RAB41: variants seen among roughly 807,000 people sequenced by gnomAD.
RAB41 encodes RAB41, member RAS oncogene family.
In RAB41, 15 loss-of-function variants were observed where a neutral mutation model predicts 19.0. The ratio of observed to expected loss-of-function variants is 0.79; its 90% CI spans 0.53 to 1.21. The LOEUF (loss-of-function observed/expected upper bound fraction) is 1.21, where lower values mean the gene tolerates loss of function less well. Among genes scored for constraint, RAB41 ranks in the 50% most tolerant of loss-of-function variants. The probability of loss-of-function intolerance (pLI) is 0.00; values close to 1 mark genes in which losing one functional copy is unlikely to be tolerated. For synonymous variants in RAB41, 73 were observed against 64.7 expected (o/e 1.13, Z -0.62); for missense variants, 177 against 179.7 (o/e 0.99, Z 0.09).
Position 70,284,738 on chromosome X carries a change from A to G in RAB41, c.*95A>G, listed in dbSNP as rs759629470. 2.2e-5 allele frequency: 15 copies of G among 680,024 alleles called. No homozygotes were observed. The highest frequency in any genetic ancestry group is 2.1e-4 in the African/African-American group (10 of 46,882). The allele number at this position is 680,024 out of a possible 1,213,427, so 56.0% of individuals were successfully genotyped here. ...CCACCTCGTTTTATGATACATGGCC[A>G]CTTACTCTCTTCCAATTCCTAGGCT... is the stretch of plus-strand genomic sequence containing the variant. On this transcript the variant is annotated 3_prime_UTR_variant, in exon 8 of 8. Transcript: ENST00000374473.
chrX:70,284,026 G>A lies in RAB41; in HGVS notation c.532G>A (p.Gly178Ser), dbSNP rs750570350. The A allele has an allele frequency of 5.9e-6, 7 of 1,190,932 alleles. No homozygotes were observed. The Admixed American group carries it at 8.8e-5, about 15-fold the overall frequency. Residue 178 changes from glycine to serine, a missense_variant, in exon 6 of 8, where the codon GGT becomes AGT. Coordinates refer to ENST00000374473, the MANE Select transcript of RAB41 (RefSeq NM_001363807.1). ...VMFIETSAKT[G>S]YNVKKLFRRV... ...GTTTATTGAGACCAGTGCCAAAACC[G>A]GTTACAACGTGAAAAAGGTAATACT...
Position 70,282,722 on chromosome X carries a change from C to T in RAB41, c.184-80C>T, listed in dbSNP as rs753716304. The T allele has an allele frequency of 2.0e-4, 220 of 1,102,820 alleles. 1 individual carries two copies. In the East Asian group the frequency reaches 6.2e-3, roughly 31 times the overall value. The allele number at this position is 1,102,820 out of a possible 1,213,427, so 90.9% of individuals were successfully genotyped here. On this transcript the variant is annotated intron_variant, in intron 2 of 7. Coordinates refer to ENST00000374473, the MANE Select transcript of RAB41 (RefSeq NM_001363807.1). ...GAGCCAGGACAACTTCTTGAAGGGT[C>T]ATTCTCCACTTTGGGTTCTAAGACT...
chrX:70,283,873 T>C (rs912927009), intron 5 of RAB41, 77 bp from the exon 6 acceptor site: 14 of 730,163 alleles, frequency 1.9e-5, no homozygotes, highest in Non-Finnish European at 2.7e-5. Context: ...TGGCCCTAGG[T>C]AAGCATCATT....
At chrX:70,283,406 G>T in intron 4 of RAB41, 33 bp downstream of exon 4, 1 of 1,122,259 alleles carries the variant, frequency 8.9e-7, no homozygotes, top group Non-Finnish European at 1.2e-6. Flanking sequence ...TTTGAAAAGG[G>T]GATTATAAAG....
Position 70,283,294 on chromosome X carries a change from T to C in RAB41, c.264T>C (p.Ala88=), listed in dbSNP as rs2085698773. ...TTCAGCTGCAGCTATGGGACACAGC[T>C]GGCCAGGAGCGCTTTCACAGCCTAA... is the stretch of plus-strand genomic sequence containing the variant. ...QIVQLQLWDT[A]GQERFHSLIP... is the part of the protein sequence containing the mutation. Residue 88 remains alanine (A), a synonymous_variant, in exon 4 of 8, where the codon GCT becomes GCC. Transcript: ENST00000374473. 2 of 1,211,679 alleles carry C rather than the reference T, an allele frequency of 1.7e-6. No homozygotes were observed. The highest frequency in any genetic ancestry group is 3.5e-5 in the African/African-American group (2 of 57,967).
chrX:70,284,222 TTC>T (rs1569224786), intron 6 of RAB41, 42 bp from the exon 7 acceptor site: 3 of 1,162,993 alleles, frequency 2.6e-6, no homozygotes, highest in Non-Finnish European at 3.5e-6. Context: ...CCTTTTTTTT[TTC>T]CCCTTTTTTT....
chrX:70,284,609 C>G lies in RAB41; in HGVS notation c.635C>G (p.Ser212Cys), dbSNP rs912713418. Residue 212 changes from serine to cysteine, a missense_variant, in exon 8 of 8, where the codon TCC becomes TGC. Coordinates refer to ENST00000374473, the MANE Select transcript of RAB41 (RefSeq NM_001363807.1). ...TCAGCGGTTGAAATCGAACTGGAAT[C>G]CTTCGAGGAGTCAGGCAACAGAAGC... is the stretch of plus-strand genomic sequence containing the variant. ...KEGTVEIELE[S>C]FEESGNRSYC The G allele has an allele frequency of 8.3e-7, 1 of 1,207,961 alleles. No individual in the cohort carries two copies. The highest frequency in any genetic ancestry group is 1.8e-5 in the African/African-American group (1 of 57,021).
rs374437510 is a variant in RAB41 at position 70,284,251 on chromosome X, C to T, written c.550-15C>T. The stretch of plus-strand genomic sequence containing the variant: ...CCTTTTTTTTTTTTTGGTCCCCATT[C>T]ACACACACACACAGCTGTTCCGGCG... On this transcript the variant is annotated splice_polypyrimidine_tract_variant and intron_variant, in intron 6 of 7. Transcript: ENST00000374473. 1.9e-6 allele frequency: 2 copies of T among 1,033,543 alleles called. No individual in the cohort carries two copies. Among genetic ancestry groups the T allele is most frequent in the East Asian group, 3.4e-5 (1 of 29,518 alleles). The allele number at this position is 1,033,543 out of a possible 1,213,427, so 85.2% of individuals were successfully genotyped here.
intron 6 of RAB41, 58 bp downstream of exon 6, chrX:70,284,101 C>T: frequency 1.0e-6 from 1 of 972,829 alleles, no homozygotes; most frequent in South Asian, 2.0e-5. Flanking sequence ...GCTACTACTA[C>T]TGTTTACTCT....
At chrX:70,282,714 T>C (rs1376692886) in intron 2 of RAB41, 88 bp from the exon 3 acceptor site, 8 of 1,095,423 alleles carry the variant, frequency 7.3e-6, no homozygotes, top group Non-Finnish European at 8.9e-6. Flanking sequence ...GACAACTTCT[T>C]GAAGGGTCAT....
intron 6 of RAB41, 29 bp from the exon 7 acceptor site, chrX:70,284,237 T>C (rs1192396215): frequency 8.4e-7 from 1 of 1,193,171 alleles, no homozygotes; most frequent in South Asian, 1.9e-5. Context: ...CTTTTTTTTT[T>C]TTTGGTCCCC....
intron 6 of RAB41, 56 bp downstream of exon 6, chrX:70,284,099 T>C: frequency 1.0e-6 from 1 of 973,001 alleles, no homozygotes; most frequent in East Asian, 3.1e-5. Context: ...TAGCTACTAC[T>C]ACTGTTTACT....
At chrX:70,284,196 T>C (rs2085704907) in intron 6 of RAB41, 70 bp from the exon 7 acceptor site, 2 of 1,127,037 alleles carry the variant, frequency 1.8e-6, no homozygotes, top group Admixed American at 4.7e-5. Context: ...TGAATTATCC[T>C]AGCCTCTGAA....
chrX:70,282,865 A>T lies in RAB41; in HGVS notation c.237+10A>T, dbSNP rs376820454. The T allele has an allele frequency of 1.2e-5, 14 of 1,181,057 alleles. No individual in the cohort carries two copies. The African/African-American group carries it at 2.3e-4, about 19-fold the overall frequency. Reference sequence around the variant, plus strand: ...CTTGGAGGACCAAATAGTGAGTGTTAACTCTCATACCACTAACCCTACACT... The same window carrying T: ...CTTGGAGGACCAAATAGTGAGTGTTTACTCTCATACCACTAACCCTACACT... On this transcript the variant is annotated intron_variant, in intron 3 of 7. Coordinates refer to ENST00000374473, the MANE Select transcript of RAB41 (RefSeq NM_001363807.1).
chrX:70,282,664 C>T, intron 2 of RAB41, 73 bp downstream of exon 2: 1 of 1,108,073 alleles, frequency 9.0e-7, no homozygotes, highest in Non-Finnish European at 1.2e-6. Context: ...GATTCTCCTC[C>T]TCAAAGTTAT....
At chrX:70,284,544 C>T in intron 7 of RAB41, 44 bp from the exon 8 acceptor site, 1 of 1,129,371 alleles carries the variant, frequency 8.9e-7, no homozygotes, top group Non-Finnish European at 1.2e-6. Flanking sequence ...TAAGATTTGA[C>T]TCCAGTCACC....
intron 2 of RAB41, 95 bp downstream of exon 2, chrX:70,282,686 A>G: frequency 9.2e-7 from 1 of 1,091,905 alleles, no homozygotes; most frequent in Non-Finnish European, 1.3e-6. Context: ...TATTGTAAGC[A>G]TTGGGAAGTG....
At position 70,284,919 on chromosome X, in the gene RAB41, A is replaced by C; in HGVS notation, c.*276A>C. The C allele has an allele frequency of 2.7e-6, 1 of 367,584 alleles. No individual in the cohort carries two copies. The highest frequency in any genetic ancestry group is 4.8e-6 in the Non-Finnish European group (1 of 208,338). 30.3% of individuals were successfully genotyped at this position (367,584 alleles called of 1,213,427 possible). ...AGAGAATACAGTTCTACAGCAGCTGACATACTTCAAAGGCCAATACAATTC... is the reference window on the plus strand; with the variant it reads ...AGAGAATACAGTTCTACAGCAGCTGCCATACTTCAAAGGCCAATACAATTC... On this transcript the variant is annotated 3_prime_UTR_variant, in exon 8 of 8. Transcript: ENST00000374473.
At position 70,283,268 on chromosome X, in the gene RAB41, G is replaced by T; in HGVS notation, c.238G>T (p.Val80Phe). 8.3e-7 allele frequency: 1 copy of T among 1,204,580 alleles called. No homozygotes were observed. The highest frequency in any genetic ancestry group is 1.7e-5 in the African/African-American group (1 of 57,677). Residue 80 changes from valine (V) to phenylalanine (F), a missense_variant and splice_region_variant, in exon 4 of 8, where the codon GTT (valine) becomes TTT (phenylalanine). By Grantham distance (50) the Val-to-Phe change is conservative. Coordinates refer to ENST00000374473, the MANE Select transcript of RAB41 (RefSeq NM_001363807.1). ...SKTMYLEDQIVQLQLWDTAGQ... is the reference protein window; with the variant it reads ...SKTMYLEDQIFQLQLWDTAGQ... ...CTTCTTCCTAAACATTTTTATGCAG[G>T]TTCAGCTGCAGCTATGGGACACAGC...
Sources: allele counts gnomAD v4.1 joint callset, GRCh38; gene constraint gnomAD v4.1.1; transcripts MANE v1.5; gene names NCBI Gene and HGNC (gene_info 2026-07-23, HGNC 2026-07-21).